The following SNX29 variants were observed in gnomAD, a reference collection of about 807,000 sequenced individuals.
The protein encoded by SNX29 is sorting nexin-29.
A neutral mutation model predicts 102.1 loss-of-function variants in SNX29; 78 were observed. The observed-to-expected ratio is 0.76, with a 90% CI of 0.64 to 0.92. The LOEUF is 0.92. Among genes scored for constraint, SNX29 ranks in the 40% least tolerant of loss-of-function variants. The pLI is 0.00. For synonymous variants in SNX29, 580 were observed against 414.5 expected, an observed-to-expected ratio of 1.40 and a Z score of -4.85; for missense variants, 1,280 against 1,061.7, an observed-to-expected ratio of 1.21 and a Z score of -2.86.
chr16:11,980,709 T>C (rs946178106), intron 1 of SNX29, among the ~76,000 whole-genome samples: 7 of 152,112 alleles, frequency 4.6e-5, no homozygotes, highest in African/African-American at 1.7e-4. Context: ...TGTGAAGTGG[T>C]ATTTCTTCGT....
chr16:12,139,331 G>A (rs34147612), intron 13 of SNX29, among the ~76,000 whole-genome samples: 20,427 of 151,608 alleles, frequency 0.13, 1,685 homozygotes, highest in East Asian at 0.25. Flanking sequence ...ATTACTGACA[G>A]TCACAGTCCG....
chr16:12,133,143 G>A (rs1157936474), intron 13 of SNX29, among the ~76,000 whole-genome samples: 10 of 152,198 alleles, frequency 6.6e-5, no homozygotes, highest in Non-Finnish European at 2.9e-5. Flanking sequence ...GTTTCACAGT[G>A]CAGGTGGATA....
chr16:12,359,719 C>T (rs895166544), intron 16 of SNX29, among the ~76,000 whole-genome samples: 7 of 152,200 alleles, frequency 4.6e-5, no homozygotes, highest in Admixed American at 2.0e-4. Flanking sequence ...TCTCAACTCA[C>T]ATTATTTGGA....
At chr16:12,056,148 C>T (rs2050512739) in intron 8 of SNX29, among the ~76,000 whole-genome samples, 1 of 152,226 alleles carries the variant, frequency 6.6e-6, no homozygotes, top group South Asian at 2.1e-4. Context: ...TCCCAAAGTG[C>T]TGGGATTGCA....
chr16:12,538,442 T>G (rs945409798), intron 20 of SNX29, among the ~76,000 whole-genome samples: 15 of 152,172 alleles, frequency 9.9e-5, no homozygotes, highest in Non-Finnish European at 2.2e-4. Context: ...GAATGGTTAC[T>G]TGGTTTGGTT....
At chr16:12,404,007 A>G (rs1339097542) in intron 18 of SNX29, among the ~76,000 whole-genome samples, 1 of 152,054 alleles carries the variant, frequency 6.6e-6, no homozygotes, top group Non-Finnish European at 1.5e-5. Context: ...TGTGTCCTGG[A>G]TCTTGAGCCT....
At chr16:12,500,682 G>A (rs1384053626) in intron 19 of SNX29, among the ~76,000 whole-genome samples, 1 of 152,208 alleles carries the variant, frequency 6.6e-6, no homozygotes, top group East Asian at 1.9e-4. Flanking sequence ...CTGTGTACCA[G>A]TGACATCAGC....
At chr16:12,542,574 C>T (rs1241726072) in intron 20 of SNX29, among the ~76,000 whole-genome samples, 1 of 152,208 alleles carries the variant, frequency 6.6e-6, no homozygotes, top group South Asian at 2.1e-4. Context: ...TCAAGTGATC[C>T]ACCCGCCTCA....
intron 15 of SNX29, among the ~76,000 whole-genome samples, chr16:12,289,092 G>C (rs2079704365): frequency 6.6e-6 from 1 of 152,224 alleles, no homozygotes; most frequent in Non-Finnish European, 1.5e-5. Context: ...TAAGGAGGGA[G>C]GATGGAAACA....
chr16:12,343,155 A>G (rs915167821), intron 15 of SNX29, among the ~76,000 whole-genome samples: 1 of 152,198 alleles, frequency 6.6e-6, no homozygotes, highest in African/African-American at 2.4e-5. Context: ...AACGCACACC[A>G]GCCTCCACTG....
chr16:12,527,429 G>A, intron 20 of SNX29: 1 of 436,554 alleles, frequency 2.3e-6, no homozygotes, highest in South Asian at 2.1e-5. Context: ...TATAAATTTT[G>A]ACAGATTTTC....
chr16:12,139,698 A>G (rs367892297), intron 13 of SNX29, among the ~76,000 whole-genome samples: 1 of 152,150 alleles, frequency 6.6e-6, no homozygotes, highest in South Asian at 2.1e-4. Flanking sequence ...AAATCTTACC[A>G]TATAGAGGCC....
At chr16:12,397,277 C>T (rs762851768) in intron 16 of SNX29, among the ~76,000 whole-genome samples, 12 of 152,250 alleles carry the variant, frequency 7.9e-5, no homozygotes, top group East Asian at 1.9e-4. Context: ...AAGACTACTT[C>T]AGTCTTTCTT....
intron 16 of SNX29, among the ~76,000 whole-genome samples, chr16:12,381,813 T>C (rs569652668): frequency 1.4e-4 from 16 of 113,702 alleles, no homozygotes; most frequent in East Asian, 5.9e-4. Flanking sequence ...CTGTCATCCA[T>C]CCACCCACCC....
chr16:12,277,032 CA>C (rs1210877250), intron 14 of SNX29, among the ~76,000 whole-genome samples: 2 of 152,150 alleles, frequency 1.3e-5, no homozygotes, highest in African/African-American at 4.8e-5. Flanking sequence ...AGCTGGCTGT[CA>C]GCAGGCCCTA....
intron 20 of SNX29, among the ~76,000 whole-genome samples, chr16:12,537,458 C>T (rs894456933): frequency 6.6e-6 from 1 of 151,012 alleles, no homozygotes; most frequent in African/African-American, 2.4e-5. Context: ...TCACCTCTGC[C>T]TCAGCATCCT....
At chr16:12,390,149 GGTGTGTGTGTGT>G (rs34547147) in intron 16 of SNX29, among the ~76,000 whole-genome samples, 4 of 145,680 alleles carry the variant, frequency 2.7e-5, no homozygotes, top group East Asian at 4.2e-4. Flanking sequence ...GCAATTGAGG[GGTGTGTGTGTGT>G]GTGTGTGTGT....
At chr16:12,470,275 G>C (rs2087272009) in intron 18 of SNX29, among the ~76,000 whole-genome samples, 1 of 152,256 alleles carries the variant, frequency 6.6e-6, no homozygotes. Flanking sequence ...GCTGCAGGAA[G>C]CAGGGGCAGC....
intron 15 of SNX29, among the ~76,000 whole-genome samples, chr16:12,353,888 T>C (rs1231413072): frequency 6.6e-6 from 1 of 152,232 alleles, no homozygotes; most frequent in African/African-American, 2.4e-5. Context: ...AAGATCATTG[T>C]GCCTGCTTGG....
Sources: gnomAD v4.1 joint callset for allele counts (sites outside exome capture counted in the v4.1 genomes callset) on GRCh38, gnomAD v4.1.1 for gene constraint, MANE v1.5 for transcripts, NCBI Gene and HGNC (gene_info 2026-07-23, HGNC 2026-07-21) for gene names.